The following SMC1B variants were observed in gnomAD, a reference collection of about 807,000 sequenced individuals.
SMC1B encodes the protein structural maintenance of chromosomes 1B.
SMC1B carries 60 observed loss-of-function variants against 157.9 expected under a neutral mutation model. The ratio of observed to expected loss-of-function variants is 0.38; its 90% CI spans 0.31 to 0.47. The LOEUF (loss-of-function observed/expected upper bound fraction) is 0.47. Ranked by LOEUF, SMC1B falls within the 20% of genes least tolerant of loss-of-function variation. The pLI is 0.99. For missense variants in SMC1B, 1,165 were observed against 1,426.2 expected (o/e 0.82, Z 2.95); for synonymous variants, 445 against 483.0 (o/e 0.92, Z 1.03).
chr22:45,392,809 T>C (rs1454660357), intron 9 of SMC1B, among the ~76,000 whole-genome samples: 1 of 152,100 alleles, frequency 6.6e-6, no homozygotes, highest in East Asian at 1.9e-4. Context: ...CAAGCGATTC[T>C]CCTACCTCAC....
intron 11 of SMC1B, among the ~76,000 whole-genome samples, chr22:45,386,469 CA>C (rs1478140075): frequency 1.3e-5 from 2 of 152,002 alleles, no homozygotes; most frequent in African/African-American, 4.8e-5. Flanking sequence ...TTAGTATCTC[CA>C]CTAAAGTATG....
chr22:45,379,723 CTTTT>C (rs136583), intron 12 of SMC1B, among the ~76,000 whole-genome samples: 16 of 91,484 alleles, frequency 1.7e-4, no homozygotes, highest in African/African-American at 5.9e-4. Context: ...TTTCTTTTTA[CTTTT>C]TTTTTTTTTT....
rs745609471 is a variant in SMC1B, at chr22:45,371,581, A to C, written c.2203T>G (p.Ser735Ala). 1.2e-5 allele frequency: 19 copies of C among 1,582,244 alleles called. No individual in the cohort carries two copies. In the East Asian group the frequency reaches 4.4e-4, roughly 36 times the overall value. Residue 735 changes from serine to alanine, a missense_variant, in exon 14 of 25, where the codon TCT (serine) becomes GCT (alanine). Ser to Ala is a moderately conservative substitution (Grantham distance 99). Transcript: ENST00000357450. ...TTTAGTAGTTCACTTTGTAACTGAG[A>C]TTGTTCCTAATAACAAAAGAGAAAA... ...KHLVAFYQEQ[S>A]QLQSELLNIE...
chr22:45,391,902 T>C (rs1383577790), intron 9 of SMC1B, among the ~76,000 whole-genome samples: 1 of 152,126 alleles, frequency 6.6e-6, no homozygotes, highest in Non-Finnish European at 1.5e-5. Context: ...AGAACTTGGG[T>C]CTTCACTTCC....
Position 45,344,460 on chromosome 22 carries a change from C to T in SMC1B, c.*96G>A, listed in dbSNP as rs1220678545. 2 of 828,118 alleles carry T rather than the reference C, an allele frequency of 2.4e-6. No homozygotes were observed. The highest frequency in any genetic ancestry group is 1.7e-5 in the African/African-American group (1 of 59,138). The allele number at this position is 828,118 out of a possible 1,614,324, so 51.3% of individuals were successfully genotyped here. Reference sequence around the variant, plus strand: ...GGTTTCTCTTAAAGGGTGCACCAGGCTGGTCCTGCTTGCTCCAGAAGTCTC... The same window carrying T: ...GGTTTCTCTTAAAGGGTGCACCAGGTTGGTCCTGCTTGCTCCAGAAGTCTC... On this transcript the variant is annotated 3_prime_UTR_variant, in exon 25 of 25. Transcript: ENST00000357450.
chr22:45,394,942 T>G (rs975544201), intron 7 of SMC1B, among the ~76,000 whole-genome samples, 175 bp from the exon 8 acceptor site: 1 of 152,210 alleles, frequency 6.6e-6, no homozygotes, highest in Non-Finnish European at 1.5e-5. Flanking sequence ...TCCTGAATCT[T>G]TACCATTTGC....
In SMC1B at chr22:45,358,788, G is replaced by C; in HGVS notation, c.2870C>G (p.Thr957Ser). Residue 957 changes from threonine (T) to serine (S), a missense_variant, in exon 19 of 25, where the codon ACT becomes AGT. Transcript: ENST00000357450. The stretch of plus-strand genomic sequence containing the variant: ...TGTTGCCTGGGTACTTTCTGCTTCA[G>C]TTCCCATCTGAAAAATATGTGAACA... ...LDDIIEVEMG[T>S]EAESTQATID... 1 of 1,611,104 alleles carries C rather than the reference G, an allele frequency of 6.2e-7. No individual in the cohort carries two copies. Among genetic ancestry groups the C allele is most frequent in the Non-Finnish European group, 8.5e-7 (1 of 1,178,306 alleles).
At chr22:45,375,925 C>T (rs1440008887) in intron 12 of SMC1B, among the ~76,000 whole-genome samples, 1 of 151,936 alleles carries the variant, frequency 6.6e-6, no homozygotes, top group Non-Finnish European at 1.5e-5. Flanking sequence ...AGTTATACTA[C>T]CTTTATAAAA....
chr22:45,345,844 T>A (rs189944172), intron 23 of SMC1B, among the ~76,000 whole-genome samples: 1 of 152,280 alleles, frequency 6.6e-6, no homozygotes, highest in African/African-American at 2.4e-5. Flanking sequence ...TAACCAGCCT[T>A]TATAACAAGA....
intron 21 of SMC1B, among the ~76,000 whole-genome samples, chr22:45,353,581 A>G (rs955528150): frequency 1.3e-5 from 2 of 151,970 alleles, no homozygotes; most frequent in African/African-American, 2.4e-5. Context: ...ACTCTGGTCA[A>G]CTCCACAGAT....
intron 12 of SMC1B, among the ~76,000 whole-genome samples, chr22:45,377,452 C>G (rs967347152): frequency 7.2e-5 from 11 of 151,936 alleles, no homozygotes; most frequent in Non-Finnish European, 1.5e-4. Flanking sequence ...GCCTGGCCAG[C>G]ATGGTGAAAC....
In SMC1B at chr22:45,393,666, C is replaced by T; in HGVS notation, c.1513G>A (p.Glu505Lys). ...KRQQKRAEVL[E>K]HLKRLYPDSV... ...TCTGGGTACAGTCTTTTAAGGTGTT[C>T]CAGAACCTCTGCTCTCTTTTGCTGA... Residue 505 changes from glutamate to lysine, a missense_variant, in exon 9 of 25, where the codon GAA (glutamate) becomes AAA (lysine). Coordinates refer to ENST00000357450, the MANE Select transcript of SMC1B (RefSeq NM_148674.5). 5 of 1,613,980 alleles carry T rather than the reference C, an allele frequency of 3.1e-6. No individual in the cohort carries two copies. Among genetic ancestry groups the T allele is most frequent in the Non-Finnish European group, 3.4e-6 (4 of 1,179,974 alleles).
chr22:45,369,542 C>CTTTT (rs136566), intron 15 of SMC1B, among the ~76,000 whole-genome samples: 2 of 110,764 alleles, frequency 1.8e-5, no homozygotes, highest in Non-Finnish European at 3.5e-5. Flanking sequence ...CTAGCTGTTT[C>CTTTT]TTTTTTTTTT....
At chr22:45,393,587 G>C (rs780102053) in intron 9 of SMC1B, 47 bp downstream of exon 9, 1 of 1,420,516 alleles carries the variant, frequency 7.0e-7, no homozygotes, top group Admixed American at 2.1e-5. Flanking sequence ...AAAGCAAACA[G>C]GAAAGCTTAG....
intron 16 of SMC1B, among the ~76,000 whole-genome samples, chr22:45,362,630 C>T (rs922949451): frequency 5.9e-5 from 9 of 152,192 alleles, no homozygotes; most frequent in Non-Finnish European, 1.2e-4. Context: ...AGAATTTTCT[C>T]TCCTTAACCT....
rs1438231113 is a variant in SMC1B at position 45,345,334 on chromosome 22, G to A, written c.3606+125C>T. 7.4e-6 allele frequency: 4 copies of A among 540,096 alleles called. No homozygotes were observed. In the East Asian group the frequency reaches 8.8e-5, roughly 12 times the overall value. 33.5% of individuals were successfully genotyped at this position (540,096 alleles called of 1,614,324 possible). ...CCAGTAGTTATTTTTAATCTTATTT[G>A]ATTAAAAAGTCATTTCAGCATTAGA... On this transcript the variant is annotated intron_variant, in intron 24 of 24. Coordinates refer to ENST00000357450, the MANE Select transcript of SMC1B (RefSeq NM_148674.5).
intron 20 of SMC1B, 58 bp from the exon 21 acceptor site, chr22:45,354,190 A>C: frequency 1.5e-6 from 2 of 1,318,672 alleles, no homozygotes; most frequent in Non-Finnish European, 2.0e-6. Flanking sequence ...CTTTTACTTA[A>C]ACTGTAAAGC....
intron 4 of SMC1B, among the ~76,000 whole-genome samples, chr22:45,405,404 T>C (rs2087247877): frequency 6.6e-6 from 1 of 151,706 alleles, no homozygotes; most frequent in Non-Finnish European, 1.5e-5. Context: ...AAAAAAAAAT[T>C]AGCCAGGAAC....
chr22:45,363,069 T>C, intron 15 of SMC1B, 43 bp from the exon 16 acceptor site: 1 of 1,367,588 alleles, frequency 7.3e-7, no homozygotes, highest in Non-Finnish European at 9.9e-7. Context: ...AACAGAAAAC[T>C]TTGATTCCTT....
Sources: gnomAD v4.1 joint callset for allele counts (sites outside exome capture counted in the v4.1 genomes callset) on GRCh38, gnomAD v4.1.1 for gene constraint, MANE v1.5 for transcripts, NCBI Gene and HGNC (gene_info 2026-07-23, HGNC 2026-07-21) for gene names.